Variants in KMT2E observed in about 807,000 individuals in gnomAD.
KMT2E encodes histone reader KMT2E.
Under a neutral mutation model 184.6 loss-of-function variants are expected in KMT2E, and 30 were observed. The ratio of observed to expected loss-of-function variants is 0.16; its 90% confidence interval spans 0.12 to 0.22. KMT2E has a LOEUF of 0.22. Ranked by LOEUF, KMT2E falls within the 10% of genes least tolerant of loss-of-function variation. KMT2E has a pLI of 1.00. For missense variants in KMT2E, 2,023 were observed against 2,237.4 expected, an observed-to-expected ratio of 0.90 and a Z score of 1.93; for synonymous variants, 815 against 776.5, an observed-to-expected ratio of 1.05 and a Z score of -0.82.
chr7:105,076,407 C>T (rs1797527358), intron 9 of KMT2E, among the ~76,000 whole-genome samples: 1 of 152,172 alleles, frequency 6.6e-6, no homozygotes, highest in Non-Finnish European at 1.5e-5. Flanking sequence ...TGCAGAATCA[C>T]ATTTGGAACT....
rs1798901437 is a variant in KMT2E, at chr7:105,106,452, A to G, written c.2597-70A>G. ...ATTGTTTATATTTTATCTTTCCCAG[A>G]ATGTGACACAAACAGATTTTAACAA... On this transcript the variant is annotated intron_variant, in intron 19 of 26. Coordinates refer to ENST00000311117, the MANE Select transcript of KMT2E (RefSeq NM_182931.3). 4 of 1,366,528 alleles carry G rather than the reference A, an allele frequency of 2.9e-6. No individual in the cohort carries two copies. In the Admixed American group the frequency reaches 7.2e-5, roughly 24 times the overall value. The allele number at this position is 1,366,528 out of a possible 1,614,324, so 84.7% of individuals were successfully genotyped here.
intron 1 of KMT2E, among the ~76,000 whole-genome samples, chr7:105,027,091 T>TA (rs1562876668): frequency 6.8e-6 from 1 of 146,002 alleles, no homozygotes. Flanking sequence ...TTTTTTTTTT[T>TA]TTTTTTTGGA....
chr7:105,020,945 C>G (rs1204504104), intron 1 of KMT2E, among the ~76,000 whole-genome samples: 1 of 152,166 alleles, frequency 6.6e-6, no homozygotes, highest in Non-Finnish European at 1.5e-5. Flanking sequence ...ATACACTCTT[C>G]TAATATTTTT....
Position 105,074,660 on chromosome 7 carries a change from A to C in KMT2E, c.574A>C (p.Thr192Pro). The C allele has an allele frequency of 6.4e-7, 1 of 1,556,282 alleles. No homozygotes were observed. The highest frequency in any genetic ancestry group is 2.0e-5 in the Admixed American group (1 of 50,598). Residue 192 changes from threonine (T) to proline (P), a missense_variant, in exon 8 of 27, where the codon ACT becomes CCT. Physicochemically the swap from Thr to Pro is conservative, Grantham distance 38. Coordinates refer to ENST00000311117, the MANE Select transcript of KMT2E (RefSeq NM_182931.3). Reference sequence around the variant, plus strand: ...GTCTGAAGATGGTGATACCAGTGCAACTGAGAGTGGTGATGAGGTTCCTGT... The same window carrying C: ...GTCTGAAGATGGTGATACCAGTGCACCTGAGAGTGGTGATGAGGTTCCTGT... ...ENMSDGDTSA[T>P]ESGDEVPVEL... is the part of the protein sequence containing the mutation.
At chr7:105,102,988 T>A (rs1798721075) in intron 17 of KMT2E, 1 of 152,214 alleles carries the variant, frequency 6.6e-6, no homozygotes, top group Admixed American at 6.5e-5. Flanking sequence ...ATAATTTACT[T>A]GCCAAAGTCG....
intron 6 of KMT2E, among the ~76,000 whole-genome samples, chr7:105,068,339 T>A (rs1017256907): frequency 6.6e-6 from 1 of 152,218 alleles, no homozygotes; most frequent in Non-Finnish European, 1.5e-5. Context: ...GGTTGTCTTA[T>A]GATGGAAGCC....
At chr7:105,027,542 C>G (rs1229961216) in intron 1 of KMT2E, among the ~76,000 whole-genome samples, 1 of 152,136 alleles carries the variant, frequency 6.6e-6, no homozygotes, top group Non-Finnish European at 1.5e-5. Flanking sequence ...TGTTTGCATA[C>G]TGAGTATTTT....
At chr7:105,071,290 A>G (rs1460238733) in intron 6 of KMT2E, among the ~76,000 whole-genome samples, 1 of 151,972 alleles carries the variant, frequency 6.6e-6, no homozygotes, top group Non-Finnish European at 1.5e-5. Flanking sequence ...CAGTATAGTG[A>G]TAAATGTATA....
intron 12 of KMT2E, among the ~76,000 whole-genome samples, chr7:105,081,456 A>G (rs1168692307): frequency 6.8e-6 from 1 of 146,444 alleles, no homozygotes; most frequent in Non-Finnish European, 1.5e-5. Flanking sequence ...TATTATTTTG[A>G]TGCCACATTG....
chr7:105,084,431 G>C (rs149048446), intron 13 of KMT2E, among the ~76,000 whole-genome samples: 4,723 of 152,160 alleles, frequency 0.031, 261 homozygotes, highest in African/African-American at 0.11. Context: ...TTCAAGACCA[G>C]CCTGGCAAAC....
At chr7:105,064,852 C>G (rs1004908109) in intron 5 of KMT2E, among the ~76,000 whole-genome samples, 1 of 152,092 alleles carries the variant, frequency 6.6e-6, no homozygotes, top group African/African-American at 2.4e-5. Context: ...GAAAAGCTTT[C>G]TCTTGGCTGA....
At chr7:105,089,175 A>C in intron 13 of KMT2E, 4 of 362,238 alleles carry the variant, frequency 1.1e-5, no homozygotes, top group South Asian at 8.1e-5. Context: ...CCTCATGCAA[A>C]AATCTGAAAT....
intron 15 of KMT2E, among the ~76,000 whole-genome samples, chr7:105,100,767 T>C (rs1442629475): frequency 1.3e-5 from 2 of 152,192 alleles, no homozygotes; most frequent in East Asian, 3.8e-4. Flanking sequence ...AACTACTGTT[T>C]GAAAACCTCG....
intron 15 of KMT2E, among the ~76,000 whole-genome samples, chr7:105,095,398 G>A (rs1222030162): frequency 6.6e-6 from 1 of 152,158 alleles, no homozygotes; most frequent in Admixed American, 6.5e-5. Flanking sequence ...CTTGGAGAGA[G>A]CTGTAAATAT....
chr7:105,040,636 A>G (rs113275938), intron 2 of KMT2E, among the ~76,000 whole-genome samples: 122 of 152,344 alleles, frequency 8.0e-4, no homozygotes, highest in African/African-American at 2.7e-3. Context: ...GGCATTCTAA[A>G]TTCATTCCCT....
chr7:105,089,350 C>T (rs933276021), intron 13 of KMT2E: 2 of 334,984 alleles, frequency 6.0e-6, no homozygotes, highest in South Asian at 2.1e-5. Context: ...AGGTGCCTGC[C>T]ACCATGGCCA....
chr7:105,086,154 T>G (rs1022910077), intron 13 of KMT2E, among the ~76,000 whole-genome samples: 1 of 152,232 alleles, frequency 6.6e-6, no homozygotes, highest in African/African-American at 2.4e-5. Context: ...TTATTTTCAC[T>G]GCCTATGGTA....
intron 1 of KMT2E, among the ~76,000 whole-genome samples, chr7:105,029,428 G>A (rs1795311818): frequency 6.6e-6 from 1 of 152,194 alleles, no homozygotes; most frequent in South Asian, 2.1e-4. Context: ...AAATAGAATA[G>A]TTGTACTCTG....
chr7:105,111,816 T>C lies in KMT2E; in HGVS notation c.4069-9T>C. 6.3e-7 allele frequency: 1 copy of C among 1,594,312 alleles called. No homozygotes were observed. The highest frequency in any genetic ancestry group is 2.2e-5 in the East Asian group (1 of 44,716). On this transcript the variant is annotated splice_polypyrimidine_tract_variant and intron_variant, in intron 26 of 26. Transcript: ENST00000311117. Reference sequence around the variant, plus strand: ...CCTTGAATGTATATAATTTGTTTTCTCTTCATAGCCTGGTTCACCTGGATC... The same window carrying C: ...CCTTGAATGTATATAATTTGTTTTCCCTTCATAGCCTGGTTCACCTGGATC...
Sources: allele counts gnomAD v4.1 joint callset (sites outside exome capture counted in the v4.1 genomes callset), GRCh38; gene constraint gnomAD v4.1.1; transcripts MANE v1.5; gene names NCBI Gene and HGNC (gene_info 2026-07-23, HGNC 2026-07-21).